RIMS2: variants seen among roughly 807,000 people sequenced by gnomAD.
RIMS2 encodes regulating synaptic membrane exocytosis protein 2.
In RIMS2, 59 loss-of-function variants were observed where a neutral mutation model predicts 174.4. That is an observed-to-expected ratio of 0.34 (90% CI 0.27 to 0.42). The LOEUF (loss-of-function observed/expected upper bound fraction) is 0.42, where lower values mean the gene tolerates loss of function less well. RIMS2 is among the 10% of genes least tolerant of loss of function. The pLI, the probability that RIMS2 is intolerant of heterozygous loss-of-function variation, is 1.00. For synonymous variants in RIMS2, 606 were observed against 572.5 expected (o/e 1.06, Z -0.84); for missense variants, 1,620 against 1,666.3 (o/e 0.97, Z 0.48).
downstream of RIMS2, chr8:104,254,031 T>C (rs953895362): frequency 6.6e-6 from 1 of 152,242 alleles, no homozygotes; most frequent in Non-Finnish European, 1.5e-5. Flanking sequence ...AGACCTATAG[T>C]GTCTATACTA....
At chr8:104,059,996 A>G (rs2096950063) in intron 19 of RIMS2, among the ~76,000 whole-genome samples, 1 of 151,838 alleles carries the variant, frequency 6.6e-6, no homozygotes, top group Non-Finnish European at 1.5e-5. Context: ...GGATTTTTGC[A>G]TCAATGTTCA....
intron 19 of RIMS2, among the ~76,000 whole-genome samples, chr8:104,173,493 T>C (rs2098844018): frequency 6.6e-6 from 1 of 152,074 alleles, no homozygotes; most frequent in South Asian, 2.1e-4. Flanking sequence ...AATCTTTAAT[T>C]TTTTTACTAT....
intron 3 of RIMS2, among the ~76,000 whole-genome samples, chr8:103,791,946 A>C (rs2098503025): frequency 1.3e-5 from 2 of 152,150 alleles, no homozygotes; most frequent in Admixed American, 1.3e-4. Flanking sequence ...CTACAAAGAG[A>C]CTTAGACTCC....
intron 19 of RIMS2, among the ~76,000 whole-genome samples, chr8:104,054,384 G>A (rs934299464): frequency 2.0e-5 from 3 of 152,206 alleles, no homozygotes; most frequent in African/African-American, 7.2e-5. Context: ...ACAATTTAGT[G>A]TCCAAGCATG....
chr8:103,942,375 T>A (rs2082736392), intron 13 of RIMS2, among the ~76,000 whole-genome samples: 1 of 152,184 alleles, frequency 6.6e-6, no homozygotes, highest in African/African-American at 2.4e-5. Flanking sequence ...TGTACCATAT[T>A]TTCTTTATCC....
chr8:104,174,773 G>A (rs186548104), intron 19 of RIMS2, among the ~76,000 whole-genome samples: 2 of 152,298 alleles, frequency 1.3e-5, no homozygotes, highest in Admixed American at 6.5e-5. Context: ...GTTCAAAATT[G>A]TGAAGCTGGA....
exon 11 of RIMS2, chr8:103,927,875 G>C (rs2079081692): frequency 1.2e-6 from 2 of 1,607,694 alleles, no homozygotes; most frequent in Admixed American, 1.7e-5. Flanking sequence ...AACGCCTTTT[G>C]TTCCTAGGGT....
intron 1 of RIMS2, among the ~76,000 whole-genome samples, chr8:103,588,535 A>G (rs1218317418): frequency 6.6e-6 from 1 of 152,052 alleles, no homozygotes; most frequent in African/African-American, 2.4e-5. Context: ...TAACAAAAAC[A>G]GCATGGTACT....
In RIMS2 at chr8:103,878,632, A is replaced by G. The variant is rs1043655657; in HGVS notation, c.699-6666A>G. Among the ~76,000 whole-genome samples, 4 of 151,490 alleles carry G rather than the reference A, an allele frequency of 2.6e-5. No homozygotes were observed. In the East Asian group the frequency reaches 7.8e-4, roughly 30 times the overall value. Reference sequence around the variant, plus strand: ...TCCTTAATCTTTTGATAGTTTCAGTAGTATTGGTACCAGATCTTCTTTGAA... The same window carrying G: ...TCCTTAATCTTTTGATAGTTTCAGTGGTATTGGTACCAGATCTTCTTTGAA... On this transcript the variant is annotated intron_variant, in intron 3 of 23. Coordinates refer to ENST00000504942, the Ensembl canonical transcript of RIMS2.
At chr8:103,865,284 CTT>C (rs67300843) in intron 3 of RIMS2, among the ~76,000 whole-genome samples, 2 of 119,726 alleles carry the variant, frequency 1.7e-5, no homozygotes, top group Non-Finnish European at 3.3e-5. Flanking sequence ...CAGTTTTTTT[CTT>C]TTTTTTTTTT....
intron 10 of RIMS2, among the ~76,000 whole-genome samples, chr8:103,926,018 G>A (rs115227291): frequency 2.2e-3 from 329 of 151,650 alleles, no homozygotes; most frequent in Non-Finnish European, 3.7e-3. Context: ...ATAGGTTTCA[G>A]AAGGTTGATT....
At chr8:104,051,326 T>G (rs1761714754) in intron 19 of RIMS2, among the ~76,000 whole-genome samples, 2 of 151,938 alleles carry the variant, frequency 1.3e-5, no homozygotes, top group Admixed American at 1.3e-4. Flanking sequence ...CAAAATAAGG[T>G]AAGTTGACAT....
chr8:103,621,772 C>T (rs1416507416), intron 1 of RIMS2, among the ~76,000 whole-genome samples: 1 of 152,200 alleles, frequency 6.6e-6, no homozygotes, highest in African/African-American at 2.4e-5. Context: ...TATTCACAAA[C>T]ATCAGAAGGA....
At chr8:104,167,288 A>T (rs545691791) in intron 19 of RIMS2, among the ~76,000 whole-genome samples, 4 of 152,218 alleles carry the variant, frequency 2.6e-5, no homozygotes, top group African/African-American at 7.2e-5. Context: ...GGAGGGTTGC[A>T]TATTTCCAGG....
chr8:104,082,366 A>G (rs1260822225), intron 19 of RIMS2, among the ~76,000 whole-genome samples: 1 of 152,180 alleles, frequency 6.6e-6, no homozygotes, highest in Non-Finnish European at 1.5e-5. Context: ...GTGTTGAATG[A>G]TATAATTTTT....
In RIMS2 at chr8:104,251,588, T is replaced by C. The variant is rs1051441253; in HGVS notation, c.3832-14T>C. 6.8e-7 allele frequency: 1 copy of C among 1,468,046 alleles called. No individual in the cohort carries two copies. Among genetic ancestry groups the C allele is most frequent in the Non-Finnish European group, 9.6e-7 (1 of 1,047,084 alleles). The allele number at this position is 1,468,046 out of a possible 1,614,324, so 90.9% of individuals were successfully genotyped here. A position where few individuals can be genotyped will look rare whatever the true frequency, so the allele number is the denominator to read the frequency against. On this transcript the variant is annotated splice_polypyrimidine_tract_variant and intron_variant, in intron 23 of 23. Transcript: ENST00000504942. ...GTTACACTGACATCACTCTACTTTT[T>C]ATTTTGCCAACAGATCATCGTCTGG... is the stretch of plus-strand genomic sequence containing the variant.
intron 19 of RIMS2, among the ~76,000 whole-genome samples, chr8:104,146,709 TC>T (rs1410581348): frequency 1.3e-5 from 2 of 152,176 alleles, no homozygotes; most frequent in Admixed American, 1.3e-4. Flanking sequence ...AATTTCTTTT[TC>T]TTTTTTCTGA....
At position 104,223,577 on chromosome 8, in the gene RIMS2, C is replaced by T. The variant is rs77774389; in HGVS notation, c.3335-21339C>T. The T allele has an allele frequency of 1.9e-3, 2,737 of 1,472,320 alleles. 37 individuals carry two copies. In the African/African-American group the frequency reaches 0.033, roughly 18 times the overall value. The allele number at this position is 1,472,320 out of a possible 1,614,324, so 91.2% of individuals were successfully genotyped here. On this transcript the variant is annotated intron_variant, in intron 19 of 23. Transcript: ENST00000504942. ...GCTTCTGGCCCACTGGTCCCGGAAC[C>T]GCTGCGGACGCTGCGCCCCAGCCGC...
chr8:103,649,260 A>G (rs1435278663), intron 1 of RIMS2, among the ~76,000 whole-genome samples: 1 of 152,104 alleles, frequency 6.6e-6, no homozygotes, highest in African/African-American at 2.4e-5. Context: ...AACATTGAAT[A>G]TTGGCCCCTA....
Sources: allele counts gnomAD v4.1 joint callset (sites outside exome capture counted in the v4.1 genomes callset), GRCh38; gene constraint gnomAD v4.1.1; transcripts MANE v1.5; gene names NCBI Gene and HGNC (gene_info 2026-07-23, HGNC 2026-07-21).